The following EIF3J variants were observed in gnomAD, a reference collection of about 807,000 sequenced individuals.
EIF3J encodes the protein eukaryotic translation initiation factor 3, subunit 1 (alpha, 35kD).
In EIF3J, 15 loss-of-function variants were observed where a neutral mutation model predicts 39.0. That is an observed-to-expected ratio of 0.38 (90% CI 0.26 to 0.59). The LOEUF (loss-of-function observed/expected upper bound fraction) is 0.59, where lower values mean the gene tolerates loss of function less well. Among genes scored for constraint, EIF3J ranks in the 20% least tolerant of loss-of-function variants. The pLI is 0.60. For synonymous variants in EIF3J, 98 were observed against 112.9 expected, an observed-to-expected ratio of 0.87 and a Z score of 0.84; for missense variants, 226 against 308.6, an observed-to-expected ratio of 0.73 and a Z score of 2.00.
At chr15:44,553,381 A>C (rs2082116977) in intron 4 of EIF3J, among the ~76,000 whole-genome samples, 1 of 151,736 alleles carries the variant, frequency 6.6e-6, no homozygotes, top group Non-Finnish European at 1.5e-5. Flanking sequence ...AGTCCCAGCT[A>C]CCTGGGAGGC....
chr15:44,538,086 C>T (rs562394387), intron 2 of EIF3J, among the ~76,000 whole-genome samples: 1 of 152,000 alleles, frequency 6.6e-6, no homozygotes, highest in Non-Finnish European at 1.5e-5. Flanking sequence ...AATGGAGAGA[C>T]GACAGTTACT....
chr15:44,556,753 C>G (rs1289113825), intron 5 of EIF3J, among the ~76,000 whole-genome samples: 1 of 152,134 alleles, frequency 6.6e-6, no homozygotes, highest in South Asian at 2.1e-4. Context: ...CTCAGGTGAT[C>G]GGCCTGCCTA....
chr15:44,537,265 C>T (rs775547325), intron 1 of EIF3J, 28 bp downstream of exon 1: 7 of 1,572,864 alleles, frequency 4.5e-6, no homozygotes, highest in Admixed American at 1.9e-5. Flanking sequence ...GGGCAGGGCC[C>T]GGGCCGGCGC....
chr15:44,558,523 C>T (rs908215834), intron 6 of EIF3J, among the ~76,000 whole-genome samples: 30 of 150,720 alleles, frequency 2.0e-4, no homozygotes, highest in African/African-American at 6.9e-4. Context: ...AGTGAGACTC[C>T]GTCTCAAAAA....
At chr15:44,537,811 C>G (rs947509836) in intron 2 of EIF3J, among the ~76,000 whole-genome samples, 4 of 152,194 alleles carry the variant, frequency 2.6e-5, no homozygotes, top group East Asian at 1.9e-4. Flanking sequence ...ACTCGCCTGT[C>G]TTTTCGAGCT....
chr15:44,560,888 C>T (rs1181291513), intron 7 of EIF3J, 130 bp from the exon 8 acceptor site: 25 of 1,269,996 alleles, frequency 2.0e-5, no homozygotes, highest in South Asian at 9.1e-5. Flanking sequence ...CATGTAGGCT[C>T]GGATGTCCCT....
intron 5 of EIF3J, among the ~76,000 whole-genome samples, chr15:44,556,930 C>G (rs2082149573): frequency 6.6e-6 from 1 of 152,096 alleles, no homozygotes; most frequent in Admixed American, 6.6e-5. Context: ...AAACAAAACA[C>G]TGGGATTACA....
chr15:44,537,531 A>T, intron 2 of EIF3J, 104 bp downstream of exon 2: 1 of 1,222,122 alleles, frequency 8.2e-7, no homozygotes, highest in Non-Finnish European at 1.1e-6. Flanking sequence ...CCGTGGGTCC[A>T]GGCGCGAGCA....
rs754279380 is a variant in EIF3J at position 44,537,353 on chromosome 15, G to A, written c.73G>A (p.Val25Met). Residue 25 changes from valine (V) to methionine (M), a missense_variant, in exon 2 of 8, where the codon GTG becomes ATG. Val to Met is a conservative substitution (Grantham distance 21, BLOSUM62 1). Transcript: ENST00000261868. Reference protein sequence around the residue: ...DADAFSVEDPVRKVGGGGTAG... With the variant: ...DADAFSVEDPMRKVGGGGTAG... ...CGACGCTTTCTCCGTGGAAGACCCAGTGCGGAAGGTGGGGGGCGGCGGCAC... is the reference window on the plus strand; with the variant it reads ...CGACGCTTTCTCCGTGGAAGACCCAATGCGGAAGGTGGGGGGCGGCGGCAC... The A allele has an allele frequency of 1.9e-6, 3 of 1,566,950 alleles. No individual in the cohort carries two copies. Among genetic ancestry groups the A allele is most frequent in the Admixed American group, 3.8e-5 (2 of 52,894 alleles).
chr15:44,544,227 T>C (rs2082035012), intron 2 of EIF3J, among the ~76,000 whole-genome samples: 1 of 151,556 alleles, frequency 6.6e-6, no homozygotes, highest in East Asian at 2.0e-4. Context: ...CCCGAGTAGC[T>C]GGGACCACAG....
chr15:44,558,117 C>T (rs1297860484), intron 6 of EIF3J: 1 of 152,374 alleles, frequency 6.6e-6, no homozygotes, highest in Non-Finnish European at 1.5e-5. Flanking sequence ...TGTGGTGCCA[C>T]ACCTTGATAG....
In EIF3J at chr15:44,559,619, A is replaced by G. The variant is rs539207238; in HGVS notation, c.572-630A>G. Among the ~76,000 whole-genome samples, 8 of 151,954 alleles carry G rather than the reference A, an allele frequency of 5.3e-5. No homozygotes were observed. In the East Asian group the frequency reaches 1.5e-3, roughly 29 times the overall value. ...CTACTCGGGAGGCTGAGGCAGGAAA[A>G]TGGTGTGAACCCGGGAGGCGCAGGT... On this transcript the variant is annotated intron_variant, in intron 6 of 7. Coordinates refer to ENST00000261868, the MANE Select transcript of EIF3J (RefSeq NM_003758.4).
At chr15:44,549,551 T>G (rs1408014131) in intron 2 of EIF3J, among the ~76,000 whole-genome samples, 1 of 151,922 alleles carries the variant, frequency 6.6e-6, no homozygotes, top group Non-Finnish European at 1.5e-5. Context: ...GGGCGGATCA[T>G]GAGATCAGGA....
chr15:44,549,922 T>A (rs989703913), intron 2 of EIF3J, among the ~76,000 whole-genome samples: 9 of 151,156 alleles, frequency 6.0e-5, no homozygotes, highest in Admixed American at 5.9e-4. Flanking sequence ...ATCGTGACAT[T>A]GCACTCCAGC....
At chr15:44,560,682 C>G (rs945735265) in intron 7 of EIF3J, 6 of 335,454 alleles carry the variant, frequency 1.8e-5, no homozygotes, top group Non-Finnish European at 2.7e-5. Flanking sequence ...AGAAGTATGT[C>G]AAGTAAAGGT....
Position 44,557,650 on chromosome 15 carries a change from TGTAA to T in EIF3J, c.571+5_571+8del. The stretch of plus-strand genomic sequence containing the variant: ...CTTAGTTCGAGATGTGTGTATTTCA[TGTAA>T]GTAATTCTAATTTCTAGCCCCTCTG... On this transcript the variant is annotated splice_donor_variant and splice_donor_region_variant and intron_variant, in intron 6 of 7. Coordinates refer to ENST00000261868, the MANE Select transcript of EIF3J (RefSeq NM_003758.4). LOFTEE classifies it high-confidence loss of function. 6.8e-7 allele frequency: 1 copy of T among 1,465,138 alleles called. No individual in the cohort carries two copies. 90.8% of individuals were successfully genotyped at this position (1,465,138 alleles called of 1,614,324 possible).
Position 44,539,735 on chromosome 15 carries a change from T to TC in EIF3J, c.147+2308_147+2309insC, listed in dbSNP as rs200378125. Reference sequence around the variant, plus strand: ...TTTTAGTGCTAAATTTCTTTTTCTTTTTTTTTTTTTTTTTTAACTTAAAGC... The same window carrying TC: ...TTTTAGTGCTAAATTTCTTTTTCTTTCTTTTTTTTTTTTTTTAACTTAAAGC... On this transcript the variant is annotated intron_variant, in intron 2 of 7. Transcript: ENST00000261868. Among the ~76,000 whole-genome samples the TC allele has an allele frequency of 6.2e-3, 910 of 147,166 alleles. 16 individuals carry two copies. Among genetic ancestry groups the TC allele is most frequent in the East Asian group, 0.046 (235 of 5,078 alleles).
intron 2 of EIF3J, among the ~76,000 whole-genome samples, chr15:44,539,442 C>G (rs777112369): frequency 2.0e-5 from 3 of 151,286 alleles, no homozygotes; most frequent in Non-Finnish European, 4.4e-5. Context: ...GAGTCTCGCT[C>G]TGTCACCCAG....
At chr15:44,556,079 CTGT>C (rs368180880) in intron 5 of EIF3J, among the ~76,000 whole-genome samples, 1 of 152,126 alleles carries the variant, frequency 6.6e-6, no homozygotes. Flanking sequence ...GCTGCCCAGG[CTGT>C]TGTTGAAGTC....
Sources: gnomAD v4.1 joint callset for allele counts (sites outside exome capture counted in the v4.1 genomes callset) on GRCh38, gnomAD v4.1.1 for gene constraint, MANE v1.5 for transcripts, NCBI Gene and HGNC (gene_info 2026-07-23, HGNC 2026-07-21) for gene names.